GPM6A: variants seen among roughly 807,000 people sequenced by gnomAD.
The protein encoded by GPM6A is neuronal membrane glycoprotein M6-a.
A neutral mutation model predicts 32.1 loss-of-function variants in GPM6A; 7 were observed. That is an observed-to-expected ratio of 0.22 (90% CI 0.12 to 0.41). GPM6A has a LOEUF of 0.41. Among genes scored for constraint, GPM6A ranks in the 10% least tolerant of loss-of-function variants. The pLI is 1.00. For missense variants in GPM6A, 235 were observed against 347.2 expected (o/e 0.68, Z 2.57); for synonymous variants, 130 against 123.4 (o/e 1.05, Z -0.35).
At chr4:175,941,452 C>T (rs1739402556) in intron 1 of GPM6A, among the ~76,000 whole-genome samples, 1 of 152,026 alleles carries the variant, frequency 6.6e-6, no homozygotes, top group Non-Finnish European at 1.5e-5. Flanking sequence ...AGGTTTGTCA[C>T]ATAGGTATAC....
chr4:175,891,357 T>C (rs1430839707), intron 1 of GPM6A: 1 of 152,234 alleles, frequency 6.6e-6, no homozygotes, highest in South Asian at 2.1e-4. Flanking sequence ...TCTTCCCTTC[T>C]TTTAGGTAAG....
chr4:175,720,329 C>T (rs957588705), intron 1 of GPM6A, among the ~76,000 whole-genome samples: 15 of 152,136 alleles, frequency 9.9e-5, no homozygotes, highest in African/African-American at 3.6e-4. Flanking sequence ...TTACTAATCC[C>T]CAGAATTTTA....
intron 1 of GPM6A, among the ~76,000 whole-genome samples, chr4:175,992,741 A>C (rs1741190399): frequency 6.6e-6 from 1 of 152,206 alleles, no homozygotes; most frequent in Non-Finnish European, 1.5e-5. Context: ...TGAAGGTATA[A>C]ATAGTCTCTA....
chr4:175,653,460 C>T (rs887394809), intron 3 of GPM6A, among the ~76,000 whole-genome samples: 17 of 152,188 alleles, frequency 1.1e-4, no homozygotes, highest in African/African-American at 3.6e-4. Context: ...GTCTCAACAA[C>T]GTCCTTAAAC....
At chr4:175,948,994 T>TGTGTGTG (rs70962435) in intron 1 of GPM6A, among the ~76,000 whole-genome samples, 2 of 137,398 alleles carry the variant, frequency 1.5e-5, no homozygotes, top group Non-Finnish European at 3.2e-5. Flanking sequence ...TGTGTGTGTG[T>TGTGTGTG]TGGGGGGATG....
chr4:175,717,014 C>T (rs1306548175), intron 1 of GPM6A, among the ~76,000 whole-genome samples: 1 of 152,142 alleles, frequency 6.6e-6, no homozygotes, highest in Non-Finnish European at 1.5e-5. Context: ...TGTCAGCCTC[C>T]TGCTTAAGAT....
intron 1 of GPM6A, among the ~76,000 whole-genome samples, chr4:175,978,958 T>C (rs952686598): frequency 1.4e-5 from 2 of 144,402 alleles, no homozygotes; most frequent in Non-Finnish European, 2.9e-5. Flanking sequence ...AAACTGTCCA[T>C]TTAAAGCAAA....
intron 1 of GPM6A, among the ~76,000 whole-genome samples, chr4:175,811,356 C>T (rs572174453): frequency 3.3e-5 from 5 of 152,126 alleles, no homozygotes; most frequent in South Asian, 4.2e-4. Flanking sequence ...TACATAAGCC[C>T]GACAGCAGAC....
chr4:175,771,289 A>T (rs1344187137), intron 1 of GPM6A, among the ~76,000 whole-genome samples: 9 of 151,908 alleles, frequency 5.9e-5, no homozygotes, highest in Non-Finnish European at 1.3e-4. Context: ...AAGAATTTTC[A>T]TGGCCAGGCG....
intron 1 of GPM6A, among the ~76,000 whole-genome samples, chr4:175,731,966 A>ATTTT (rs35116129): frequency 1.9e-4 from 23 of 123,684 alleles, no homozygotes; most frequent in Non-Finnish European, 3.3e-4. Context: ...TCCTCACTTC[A>ATTTT]TTTTTTTTTT....
chr4:175,812,693 G>T (rs774743748), upstream of GPM6A: 316 of 985,472 alleles, frequency 3.2e-4, no homozygotes, highest in Non-Finnish European at 3.6e-4. Context: ...CAGATGGAGG[G>T]GTGTCCTCCT....
At chr4:175,664,674 GTCCTC>G (rs1742633748) in intron 3 of GPM6A, among the ~76,000 whole-genome samples, 1 of 152,076 alleles carries the variant, frequency 6.6e-6, no homozygotes, top group Non-Finnish European at 1.5e-5. Flanking sequence ...GATGACTGCA[GTCCTC>G]TATGTATTTC....
chr4:175,725,984 CTG>C (rs1746382558), intron 1 of GPM6A, among the ~76,000 whole-genome samples: 1 of 121,976 alleles, frequency 8.2e-6, no homozygotes. Context: ...TCCAAATACC[CTG>C]TTTCTTCTTT....
intron 2 of GPM6A, among the ~76,000 whole-genome samples, chr4:175,697,700 A>G (rs897835951): frequency 4.6e-5 from 7 of 152,154 alleles, no homozygotes; most frequent in African/African-American, 1.7e-4. Flanking sequence ...AGTTATATAA[A>G]TGAGTAACAA....
intron 4 of GPM6A, among the ~76,000 whole-genome samples, chr4:175,650,640 G>A (rs1741750222): frequency 6.6e-6 from 1 of 152,150 alleles, no homozygotes; most frequent in Non-Finnish European, 1.5e-5. Flanking sequence ...CTAGTGTACT[G>A]TAGTGGATCA....
intron 1 of GPM6A, among the ~76,000 whole-genome samples, chr4:175,779,077 T>C (rs1579490735): frequency 6.6e-6 from 1 of 152,190 alleles, no homozygotes; most frequent in Non-Finnish European, 1.5e-5. Context: ...TAATTGCTAG[T>C]AAGCTATCCA....
At chr4:175,917,697 C>A (rs1164384113) in intron 1 of GPM6A, among the ~76,000 whole-genome samples, 1 of 151,896 alleles carries the variant, frequency 6.6e-6, no homozygotes, top group Admixed American at 6.6e-5. Context: ...TGTTAAAATG[C>A]GTGAGATCTG....
chr4:175,833,467 C>T (rs1219136261), intron 1 of GPM6A, among the ~76,000 whole-genome samples: 1 of 152,126 alleles, frequency 6.6e-6, no homozygotes, highest in Admixed American at 6.6e-5. Flanking sequence ...TAATCCAGTT[C>T]ATAGAGCAAT....
intron 1 of GPM6A, among the ~76,000 whole-genome samples, chr4:175,998,192 T>C (rs1322056573): frequency 6.6e-6 from 1 of 152,124 alleles, no homozygotes; most frequent in African/African-American, 2.4e-5. Flanking sequence ...CTCTCTCTGT[T>C]GTCCAGGCTG....
Sources: gnomAD v4.1 joint callset for allele counts (sites outside exome capture counted in the v4.1 genomes callset) on GRCh38, gnomAD v4.1.1 for gene constraint, MANE v1.5 for transcripts, NCBI Gene and HGNC (gene_info 2026-07-23, HGNC 2026-07-21) for gene names.